The following MED16 variants were observed in gnomAD, a reference collection of about 807,000 sequenced individuals.
MED16 encodes the protein mediator complex subunit 16.
MED16 carries 81 observed loss-of-function variants against 84.4 expected under a neutral mutation model. That is an observed-to-expected ratio of 0.96 (90% CI 0.80 to 1.15). The LOEUF is 1.15. Ranked by LOEUF, MED16 falls within the 50% of genes most tolerant of loss-of-function variation. The pLI, the probability that MED16 is intolerant of heterozygous loss-of-function variation, is 0.00. For missense variants in MED16, 1,585 were observed against 1,245.9 expected, an observed-to-expected ratio of 1.27 and a Z score of -4.10; for synonymous variants, 897 against 552.2, an observed-to-expected ratio of 1.62 and a Z score of -8.76.
intron 5 of MED16, 52 bp from the exon 6 acceptor site, chr19:885,060 G>T: frequency 7.1e-7 from 1 of 1,403,458 alleles, no homozygotes. Flanking sequence ...TGGTGGCCAC[G>T]CCACCACCGG....
At chr19:870,179 G>A (rs541756444) in intron 13 of MED16, among the ~76,000 whole-genome samples, 1 of 152,190 alleles carries the variant, frequency 6.6e-6, no homozygotes, top group East Asian at 1.9e-4. Flanking sequence ...GGGATCTACG[G>A]CGAGGCCTGA....
chr19:885,016 G>A lies in MED16; in HGVS notation c.880-8C>T. The A allele has an allele frequency of 1.3e-6, 2 of 1,586,664 alleles. No individual in the cohort carries two copies. The highest frequency in any genetic ancestry group is 1.7e-4 in the Middle Eastern group (1 of 6,038). ...GGACGCGCACAAAAGCACCTGCGGG[G>A]GAGGTGGGGGTGAGGGCTGACCCGG... On this transcript the variant is annotated splice_polypyrimidine_tract_variant and splice_region_variant and intron_variant, in intron 5 of 15. Transcript: ENST00000325464.
chr19:870,566 CAA>C lies in MED16; in HGVS notation c.2315+469_2315+470del, dbSNP rs1227950208. 2.6e-3 allele frequency among the ~76,000 whole-genome samples: 272 copies of C among 103,624 alleles called. 2 individuals carry two copies. The highest frequency in any genetic ancestry group is 5.2e-3 in the African/African-American group (148 of 28,468). The allele number at this position is 103,624 out of a possible 152,430, so 68.0% of individuals were successfully genotyped here. ...ACAGAGTGAGACCCTGTCGGGGAGA[CAA>C]AAAAAAAAAAAAAAAGGGAGAGGGT... On this transcript the variant is annotated intron_variant, in intron 13 of 15. Coordinates refer to ENST00000325464, the MANE Select transcript of MED16 (RefSeq NM_005481.3).
rs764984479 is a variant in MED16 at position 875,341 on chromosome 19, G to A, written c.1674C>T (p.Ser558=). The change falls in exon 10 of 16, where the codon TCC becomes TCT. Residue 558 remains serine, a synonymous_variant. Coordinates refer to ENST00000325464, the MANE Select transcript of MED16 (RefSeq NM_005481.3). ...GGGGGCGCAGCAGCGACTTCAGGGTGGAGCTGATGGCGATGAGGAAGAGCT... is the reference window on the plus strand; with the variant it reads ...GGGGGCGCAGCAGCGACTTCAGGGTAGAGCTGATGGCGATGAGGAAGAGCT... ...HTKLFLIAIS[S]TLKSLLRPHF... is the part of the protein sequence containing the mutation. 2 of 1,610,510 alleles carry A rather than the reference G, an allele frequency of 1.2e-6. No individual in the cohort carries two copies. The highest frequency in any genetic ancestry group is 1.7e-6 in the Non-Finnish European group (2 of 1,179,842).
intron 8 of MED16, among the ~76,000 whole-genome samples, chr19:878,355 ACCAGCC>A (rs376810168): frequency 2.1e-4 from 3 of 14,234 alleles, no homozygotes; most frequent in African/African-American, 3.4e-4. Flanking sequence ...GTCAATGCCC[ACCAGCC>A]CCAGCCCCAG....
At chr19:890,683 C>T (rs983382531) in intron 2 of MED16, among the ~76,000 whole-genome samples, 1 of 152,224 alleles carries the variant, frequency 6.6e-6, no homozygotes, top group South Asian at 2.1e-4. Context: ...AAAACTGGGG[C>T]ACGTGTCTCC....
rs776796243 is a variant in MED16 at position 877,165 on chromosome 19, G to C, written c.1369C>G (p.Leu457Val). 1 of 1,609,932 alleles carries C rather than the reference G, an allele frequency of 6.2e-7. No individual in the cohort carries two copies. The highest frequency in any genetic ancestry group is 8.5e-7 in the Non-Finnish European group (1 of 1,179,048). ...AGCGGGTGGCCCATGGAAGGTGAGA[G>C]GCGGAGCACGCTCAGCTGCCAGAGA... ...DSHGKLSVLR[L>V]SPSMGHPLEV... The change falls in exon 9 of 16, where the codon CTC becomes GTC. Residue 457 changes from leucine to valine, a missense_variant. Coordinates refer to ENST00000325464, the MANE Select transcript of MED16 (RefSeq NM_005481.3).
At chr19:878,637 C>T (rs542666972) in intron 8 of MED16, among the ~76,000 whole-genome samples, 2 of 144,380 alleles carry the variant, frequency 1.4e-5, no homozygotes, top group Non-Finnish European at 1.5e-5. Flanking sequence ...CCCAGCCCCA[C>T]GTGCCCCAGC....
chr19:882,939 G>A (rs60490563), intron 6 of MED16, among the ~76,000 whole-genome samples: 26,302 of 152,104 alleles, frequency 0.17, 2,860 homozygotes, highest in East Asian at 0.59. Flanking sequence ...TGGCTGAGAC[G>A]CCCAGAGGGC....
rs748159188 is a variant in MED16, at chr19:868,490, A to C, written c.2409T>G (p.Cys803Trp). Residue 803 changes from cysteine to tryptophan, a missense_variant, in exon 15 of 16, where the codon TGT becomes TGG. By Grantham distance (215) the Cys-to-Trp change is radical (BLOSUM62 -2). Coordinates refer to ENST00000325464, the MANE Select transcript of MED16 (RefSeq NM_005481.3). ...EECKACTRCG[C>W]VTMLKSPNRT... ...TGTTGGGCGACTTGAGCATGGTGAC[A>C]CAGCCGCACCTGCGGGGAGGCAGGC... The C allele has an allele frequency of 1.2e-6, 2 of 1,610,432 alleles. No individual in the cohort carries two copies. Among genetic ancestry groups the C allele is most frequent in the Non-Finnish European group, 8.5e-7 (1 of 1,179,802 alleles).
intron 3 of MED16, 21 bp downstream of exon 3, chr19:890,116 C>T: frequency 2.6e-6 from 4 of 1,529,708 alleles, no homozygotes; most frequent in Non-Finnish European, 3.5e-6. Context: ...CACCCCTGGC[C>T]ACGTGGGACC....
In MED16 at chr19:885,771, T is replaced by G; in HGVS notation, c.878A>C (p.Gln293Pro). 6.2e-7 allele frequency: 1 copy of G among 1,605,988 alleles called. No homozygotes were observed. The highest frequency in any genetic ancestry group is 8.5e-7 in the Non-Finnish European group (1 of 1,178,458). The change falls in exon 5 of 16, where the codon CAG becomes CCG. Residue 293 changes from glutamine to proline, a missense_variant and splice_region_variant. Coordinates refer to ENST00000325464, the MANE Select transcript of MED16 (RefSeq NM_005481.3). ...LKFLARDMSE[Q>P]VLLCASSQTS... ...ACGTGATGGCCTGCGCCCGTTCACC[T>G]GCTCCGACATGTCCCGGGCCAGGAA...
At position 870,739 on chromosome 19, in the gene MED16, G is replaced by A. The variant is rs116483371; in HGVS notation, c.2315+298C>T. Among the ~76,000 whole-genome samples the A allele has an allele frequency of 4.5e-3, 666 of 148,288 alleles. 6 individuals are homozygous for A. The highest frequency in any genetic ancestry group is 0.016 in the African/African-American group (639 of 40,290). ...TGGAGGGAAGGAGCCGTATGGATTCGGGGGGGTCCTGGGGCAGGACATGGA... is the reference window on the plus strand; with the variant it reads ...TGGAGGGAAGGAGCCGTATGGATTCAGGGGGGTCCTGGGGCAGGACATGGA... On this transcript the variant is annotated intron_variant, in intron 13 of 15. Transcript: ENST00000325464.
At chr19:874,313 C>T (rs544973788) in intron 10 of MED16, among the ~76,000 whole-genome samples, 9 of 152,220 alleles carry the variant, frequency 5.9e-5, no homozygotes, top group Non-Finnish European at 8.8e-5. Context: ...GGGGTTTCAC[C>T]GTGTTAGCCA....
At chr19:871,580 GAC>G in intron 12 of MED16, 1 of 1,595,288 alleles carries the variant, frequency 6.3e-7, no homozygotes, top group South Asian at 1.1e-5. Context: ...CACACAACCC[GAC>G]AAGGAGAGAC....
intron 4 of MED16, among the ~76,000 whole-genome samples, chr19:887,931 A>G (rs1238777665): frequency 6.6e-6 from 1 of 151,224 alleles, no homozygotes; most frequent in Non-Finnish European, 1.5e-5. Flanking sequence ...AGCTGGGCAC[A>G]GTGACTCACG....
At chr19:890,000 A>G (rs1484017617) in intron 3 of MED16, 137 bp downstream of exon 3, 1 of 838,758 alleles carries the variant, frequency 1.2e-6, no homozygotes, top group Non-Finnish European at 1.8e-6. Context: ...GCCACTATGG[A>G]AAGAGCAGCA....
intron 5 of MED16, among the ~76,000 whole-genome samples, chr19:885,451 G>GT (rs954005135): frequency 9.9e-5 from 15 of 151,920 alleles, no homozygotes; most frequent in African/African-American, 3.6e-4. Context: ...GGGAGAGCAC[G>GT]TTGGGGGGGG....
intron 3 of MED16, 133 bp from the exon 4 acceptor site, chr19:889,940 A>G (rs1442096486): frequency 4.6e-6 from 5 of 1,090,498 alleles, no homozygotes; most frequent in African/African-American, 1.6e-5. Context: ...CAGGTGGCAC[A>G]AGGCGCACTC....
Sources: allele counts gnomAD v4.1 joint callset (sites outside exome capture counted in the v4.1 genomes callset), GRCh38; gene constraint gnomAD v4.1.1; transcripts MANE v1.5; gene names NCBI Gene and HGNC (gene_info 2026-07-23, HGNC 2026-07-21).